CELF2: variants seen among roughly 807,000 people sequenced by gnomAD.
The protein encoded by CELF2 is CUGBP Elav-like family member 2.
Under a neutral mutation model 62.6 loss-of-function variants are expected in CELF2, and 8 were observed. That is an observed-to-expected ratio of 0.13 (90% CI 0.07 to 0.23). CELF2 has a LOEUF of 0.23. Ranked by LOEUF, CELF2 falls within the 10% of genes least tolerant of loss-of-function variation. CELF2 has a pLI of 1.00. For missense variants in CELF2, 333 were observed against 671.0 expected (o/e 0.50, Z 5.56); for synonymous variants, 258 against 250.0 (o/e 1.03, Z -0.30).
the CELF2 span, among the ~76,000 whole-genome samples, chr10:10,652,933 A>G: frequency 6.6e-6 from 1 of 152,210 alleles, no homozygotes; most frequent in Admixed American, 6.5e-5. Context: ...AATTGGATAA[A>G]GAGTCAAGAC....
intron 9 of CELF2, among the ~76,000 whole-genome samples, chr10:11,289,381 G>A (rs569052298): frequency 6.6e-6 from 1 of 152,198 alleles, no homozygotes; most frequent in South Asian, 2.1e-4. Flanking sequence ...TTGGAAAAAC[G>A]TTAATGAAAA....
At chr10:10,878,342 C>A (rs899811130) in intron 1 of CELF2, among the ~76,000 whole-genome samples, 2 of 152,226 alleles carry the variant, frequency 1.3e-5, no homozygotes, top group Non-Finnish European at 2.9e-5. Flanking sequence ...TGGGAAAAAA[C>A]AAACAGGCCT....
chr10:11,063,364 C>A (rs2067284896), intron 1 of CELF2, among the ~76,000 whole-genome samples: 2 of 152,172 alleles, frequency 1.3e-5, no homozygotes, highest in Non-Finnish European at 2.9e-5. Flanking sequence ...GGTCAGGCGA[C>A]TACTACCAAA....
At chr10:10,668,018 A>G in the CELF2 span, among the ~76,000 whole-genome samples, 1 of 152,174 alleles carries the variant, frequency 6.6e-6, no homozygotes, top group African/African-American at 2.4e-5. Flanking sequence ...CTCTACCATT[A>G]AAGAGTATGA....
At chr10:11,061,104 A>T (rs2066624923) in intron 1 of CELF2, among the ~76,000 whole-genome samples, 1 of 152,256 alleles carries the variant, frequency 6.6e-6, no homozygotes, top group Non-Finnish European at 1.5e-5. Flanking sequence ...GAAACGCTGA[A>T]AGCTGGGTCT....
At chr10:10,856,835 ATTAATCTTCTGAAC>A (rs1380365910) in intron 1 of CELF2, among the ~76,000 whole-genome samples, 2 of 152,190 alleles carry the variant, frequency 1.3e-5, no homozygotes, top group African/African-American at 2.4e-5. Flanking sequence ...ACAAACAAAA[ATTAATCTTCTGAAC>A]TTTCATTTTC....
the CELF2 span, among the ~76,000 whole-genome samples, chr10:10,506,269 CGTGTGTGTGTGT>C: frequency 2.0e-5 from 3 of 146,712 alleles, no homozygotes; most frequent in African/African-American, 7.6e-5. Flanking sequence ...AGATGCACTT[CGTGTGTGTGTGT>C]GTGTGTGTGT....
chr10:10,561,632 A>G, the CELF2 span, among the ~76,000 whole-genome samples: 15 of 152,158 alleles, frequency 9.9e-5, no homozygotes, highest in Non-Finnish European at 1.5e-4. Context: ...GGTGGGACAG[A>G]TGGGGACAAC....
the CELF2 span, among the ~76,000 whole-genome samples, chr10:10,685,913 C>T: frequency 7.9e-5 from 12 of 152,202 alleles, 1 homozygote; most frequent in African/African-American, 1.7e-4. Context: ...TTTCCTAGTC[C>T]TCTTCCTTTA....
rs1337123909 is a variant in CELF2, at chr10:10,972,542, C to A, written c.89+52543C>A. Among the ~76,000 whole-genome samples, 1 of 152,150 alleles carries A rather than the reference C, an allele frequency of 6.6e-6. No homozygotes were observed. The highest frequency in any genetic ancestry group is 1.5e-5 in the Non-Finnish European group (1 of 68,022). On this transcript the variant is annotated intron_variant, in intron 2 of 13. Transcript: ENST00000636488. The surrounding 1 kb of genome is among the most constrained non-coding windows in gnomAD (Gnocchi z 4.4). The stretch of plus-strand genomic sequence containing the variant: ...CTTTCTGCTTTGACCCACTGCTCTT[C>A]TTTCTATATATTTACTCCCTGGCTG...
chr10:10,641,857 C>A, the CELF2 span, among the ~76,000 whole-genome samples: 1 of 152,290 alleles, frequency 6.6e-6, no homozygotes, highest in African/African-American at 2.4e-5. Flanking sequence ...TACGAAAATT[C>A]AAGTAGGTAA....
At chr10:11,248,681 C>T (rs189207497) in intron 3 of CELF2, among the ~76,000 whole-genome samples, 102 of 152,276 alleles carry the variant, frequency 6.7e-4, no homozygotes, top group African/African-American at 2.2e-3. Flanking sequence ...TTATTTTCAA[C>T]GCATCTTAGC....
chr10:10,751,861 G>T, the CELF2 span, among the ~76,000 whole-genome samples: 3 of 152,158 alleles, frequency 2.0e-5, no homozygotes, highest in Non-Finnish European at 2.9e-5. Context: ...AAACAATCAA[G>T]TGTGGTTTCT....
At chr10:10,636,104 A>G in the CELF2 span, among the ~76,000 whole-genome samples, 1 of 152,228 alleles carries the variant, frequency 6.6e-6, no homozygotes, top group East Asian at 1.9e-4. Flanking sequence ...CCAAAATGCC[A>G]TTTTAATAGC....
chr10:11,130,331 C>G (rs775716445), intron 1 of CELF2, among the ~76,000 whole-genome samples: 5 of 152,132 alleles, frequency 3.3e-5, no homozygotes, highest in Non-Finnish European at 7.3e-5. Context: ...AATGCTAAAC[C>G]CTTAGAGTCC....
chr10:10,495,198 G>A, the CELF2 span, among the ~76,000 whole-genome samples: 7 of 152,262 alleles, frequency 4.6e-5, no homozygotes, highest in East Asian at 3.9e-4. Flanking sequence ...GGAGAATGGC[G>A]TGACCAGAAG....
the CELF2 span, among the ~76,000 whole-genome samples, chr10:10,661,073 C>T: frequency 2.8e-4 from 43 of 152,320 alleles, 1 homozygote; most frequent in South Asian, 8.5e-3. Context: ...CAGTGAGATG[C>T]TCAGATCTTA....
intron 9 of CELF2, among the ~76,000 whole-genome samples, chr10:11,313,306 T>C (rs1037935635): frequency 2.6e-5 from 4 of 152,236 alleles, no homozygotes; most frequent in African/African-American, 7.2e-5. Context: ...AAAATAAGCA[T>C]GTTTACATGG....
chr10:10,980,777 T>C (rs545492147), intron 2 of CELF2, among the ~76,000 whole-genome samples: 5 of 152,236 alleles, frequency 3.3e-5, no homozygotes, highest in Admixed American at 6.5e-5. Context: ...TCCTTTCCTC[T>C]CCTTTTATTC....
Sources: allele counts gnomAD v4.1 joint callset (sites outside exome capture counted in the v4.1 genomes callset), GRCh38; gene constraint gnomAD v4.1.1; non-coding constraint Gnocchi (gnomAD v3.1); transcripts MANE v1.5; gene names NCBI Gene and HGNC (gene_info 2026-07-23, HGNC 2026-07-21).